ACSM6: variants seen among roughly 807,000 people sequenced by gnomAD.
ACSM6 encodes the protein acyl-CoA synthetase medium chain family member 6.
Under a neutral mutation model 51.1 loss-of-function variants are expected in ACSM6, and 35 were observed. That is an observed-to-expected ratio of 0.69 (90% confidence interval 0.52 to 0.91). ACSM6 has a LOEUF of 0.91. ACSM6 is among the 40% of genes least tolerant of loss of function. The pLI is 0.00. For synonymous variants in ACSM6, 172 were observed against 207.3 expected (o/e 0.83, Z 1.46); for missense variants, 509 against 584.1 (o/e 0.87, Z 1.32).
In ACSM6 at chr10:95,194,690, G is replaced by A; in HGVS notation, c.192+13G>A. On this transcript the variant is annotated intron_variant, in intron 2 of 10. Coordinates refer to ENST00000341686, the Ensembl canonical transcript of ACSM6. ...CCAGCTGGAAAAGGTAAAACTTGTT[G>A]TTTTCTACCTTGGAAACTTTGGCCA... is the stretch of plus-strand genomic sequence containing the variant. 1 of 1,548,398 alleles carries A rather than the reference G, an allele frequency of 6.5e-7. No individual in the cohort carries two copies. Among genetic ancestry groups the A allele is most frequent in the Non-Finnish European group, 8.7e-7 (1 of 1,144,786 alleles).
At chr10:95,228,776 A>C (rs2133399206) in exon 11 of ACSM6, 2 of 1,551,232 alleles carry the variant, frequency 1.3e-6, no homozygotes, top group South Asian at 2.4e-5. Context: ...ATTGGGTCAG[A>C]GATTGTGAAT....
chr10:95,213,403 A>G (rs1465761123), intron 7 of ACSM6, among the ~76,000 whole-genome samples: 1 of 152,188 alleles, frequency 6.6e-6, no homozygotes, highest in Non-Finnish European at 1.5e-5. Context: ...AAACAAATTT[A>G]TACCTATGTG....
In ACSM6 at chr10:95,194,276, C is replaced by T. The variant is rs1589487652; in HGVS notation, c.-49C>T. 1.6e-5 allele frequency: 8 copies of T among 493,322 alleles called. No individual in the cohort carries two copies. The Admixed American group carries it at 1.9e-4, about 12-fold the overall frequency. The allele number at this position is 493,322 out of a possible 1,614,324, so 30.6% of individuals were successfully genotyped here. On this transcript the variant is annotated 5_prime_UTR_variant, in exon 1 of 11. Coordinates refer to ENST00000341686, the Ensembl canonical transcript of ACSM6. ...TCTACCATCCTCCAAACATCTGAAG[C>T]CCCCCATAGAAACTCCTCTTGGAAT... is the stretch of plus-strand genomic sequence containing the variant.
chr10:95,208,322 A>G (rs937349879), intron 4 of ACSM6, among the ~76,000 whole-genome samples: 9 of 152,186 alleles, frequency 5.9e-5, no homozygotes, highest in African/African-American at 1.7e-4. Context: ...AGACTCGGAA[A>G]GGTCAGAGGA....
intron 10 of ACSM6, chr10:95,225,900 G>C (rs1394671037): frequency 1.3e-5 from 2 of 151,944 alleles, no homozygotes; most frequent in African/African-American, 2.4e-5. Context: ...CATGTTTTTC[G>C]TGACGTGGAC....
intron 2 of ACSM6, chr10:95,201,719 G>T: frequency 7.3e-6 from 4 of 547,490 alleles, no homozygotes; most frequent in Admixed American, 5.1e-5. Flanking sequence ...ATCCTGGGCA[G>T]GGCTGGTTTC....
chr10:95,213,063 C>A, intron 7 of ACSM6, 123 bp downstream of exon 7: 4 of 739,754 alleles, frequency 5.4e-6, no homozygotes, highest in South Asian at 1.8e-5. Flanking sequence ...TGTCTTGTTG[C>A]CATTCATGAC....
chr10:95,208,374 G>A lies in ACSM6; in HGVS notation c.611+959G>A, dbSNP rs376993839. Among the ~76,000 whole-genome samples, 14 of 152,222 alleles carry A rather than the reference G, an allele frequency of 9.2e-5. No homozygotes were observed. The East Asian group carries it at 2.5e-3, about 27-fold the overall frequency. On this transcript the variant is annotated intron_variant, in intron 4 of 10. Coordinates refer to ENST00000341686, the Ensembl canonical transcript of ACSM6. ...ATGAGAAATTACTTAATGGGTACAA[G>A]GTACACCATTTTGGTGATGGTTACA...
intron 7 of ACSM6, 47 bp downstream of exon 7, chr10:95,212,987 C>T (rs2034908902): frequency 6.7e-7 from 1 of 1,495,848 alleles, no homozygotes. Flanking sequence ...CTCATGGTAC[C>T]ATAAATAAAA....
At chr10:95,195,205 CA>C (rs142768017) in intron 2 of ACSM6, among the ~76,000 whole-genome samples, 2 of 152,164 alleles carry the variant, frequency 1.3e-5, no homozygotes, top group Non-Finnish European at 2.9e-5. Context: ...ATGATAGCCA[CA>C]AAGTGCTGAA....
At chr10:95,207,227 G>A (rs777702191) in exon 4 of ACSM6, 15 of 1,614,054 alleles carry the variant, frequency 9.3e-6, no homozygotes, top group Non-Finnish European at 1.3e-5. Context: ...TTGTGCCTGG[G>A]AGCCCCCAGC....
chr10:95,202,042 G>A, exon 3 of ACSM6: 1 of 1,551,828 alleles, frequency 6.4e-7, no homozygotes, highest in Non-Finnish European at 8.7e-7. Flanking sequence ...AGGAGAAGAG[G>A]ACAAATGGAG....
At chr10:95,223,205 A>T (rs1404992003) in intron 9 of ACSM6, among the ~76,000 whole-genome samples, 1 of 151,904 alleles carries the variant, frequency 6.6e-6, no homozygotes, top group Non-Finnish European at 1.5e-5. Flanking sequence ...CCACAAAGAA[A>T]AACAGGCCCA....
At position 95,197,173 on chromosome 10, in the gene ACSM6, G is replaced by T. The variant is rs532699329; in HGVS notation, c.192+2496G>T. ...CATTGTTTTTCATTTGTACTAGTCT[G>T]TTCATCAGTAAATTCTATCATGAAG... On this transcript the variant is annotated intron_variant, in intron 2 of 10. Transcript: ENST00000341686. 1.4e-3 allele frequency among the ~76,000 whole-genome samples: 211 copies of T among 152,218 alleles called. 2 individuals are homozygous for T. Among genetic ancestry groups the T allele is most frequent in the Admixed American group, 6.5e-3 (100 of 15,296 alleles).
At chr10:95,224,136 T>C (rs2035017750) in intron 9 of ACSM6, among the ~76,000 whole-genome samples, 2 of 152,222 alleles carry the variant, frequency 1.3e-5, no homozygotes, top group African/African-American at 4.8e-5. Context: ...GCCACTTCTT[T>C]TCCCAAAGTC....
intron 2 of ACSM6, among the ~76,000 whole-genome samples, chr10:95,200,139 C>G (rs903738288): frequency 6.6e-6 from 1 of 152,100 alleles, no homozygotes; most frequent in African/African-American, 2.4e-5. Flanking sequence ...AAATGTGGCA[C>G]ATAGACACCA....
chr10:95,223,029 T>G (rs1169126713), intron 9 of ACSM6, among the ~76,000 whole-genome samples: 1 of 152,092 alleles, frequency 6.6e-6, no homozygotes, highest in African/African-American at 2.4e-5. Flanking sequence ...AGGGTTTATT[T>G]TTTTAATTCA....
At chr10:95,222,854 A>ACTTATTACCAAAAT (rs200060649) in intron 9 of ACSM6, among the ~76,000 whole-genome samples, 1 of 151,844 alleles carries the variant, frequency 6.6e-6, no homozygotes, top group African/African-American at 2.4e-5. Context: ...TATTACCAAA[A>ACTTATTACCAAAAT]TAATAATAAT....
At chr10:95,199,112 T>C (rs1005396391) in intron 2 of ACSM6, among the ~76,000 whole-genome samples, 1 of 152,178 alleles carries the variant, frequency 6.6e-6, no homozygotes, top group African/African-American at 2.4e-5. Context: ...ACTACAAGGC[T>C]ATAGTAACCA....
Sources: gnomAD v4.1 joint callset for allele counts (sites outside exome capture counted in the v4.1 genomes callset) on GRCh38, gnomAD v4.1.1 for gene constraint, MANE v1.5 for transcripts, NCBI Gene and HGNC (gene_info 2026-07-23, HGNC 2026-07-21) for gene names.